SEMA3A: variants seen among roughly 807,000 people sequenced by gnomAD.
The protein encoded by SEMA3A is semaphorin-3A.
SEMA3A carries 29 observed loss-of-function variants against 97.9 expected under a neutral mutation model. That is an observed-to-expected ratio of 0.30 (90% CI 0.22 to 0.40). The LOEUF (loss-of-function observed/expected upper bound fraction) is 0.40, where lower values mean the gene tolerates loss of function less well. Among genes scored for constraint, SEMA3A ranks in the 10% least tolerant of loss-of-function variants. The pLI, the probability that SEMA3A is intolerant of heterozygous loss-of-function variation, is 1.00. For missense variants in SEMA3A, 763 were observed against 951.3 expected (o/e 0.80, Z 2.60); for synonymous variants, 321 against 323.7 (o/e 0.99, Z 0.09).
At chr7:83,997,825 C>T (rs1027893412) in intron 12 of SEMA3A, among the ~76,000 whole-genome samples, 1 of 151,608 alleles carries the variant, frequency 6.6e-6, no homozygotes, top group African/African-American at 2.4e-5. Context: ...CAACCTCCAT[C>T]TCCTGGGTTC....
chr7:84,088,436 A>G (rs756243232), intron 4 of SEMA3A, among the ~76,000 whole-genome samples: 2 of 151,988 alleles, frequency 1.3e-5, no homozygotes, highest in Admixed American at 6.6e-5. Flanking sequence ...CCTGGGCTAC[A>G]CAGGGAGACT....
chr7:84,422,323 C>A (rs1165148921), intron 1 of SEMA3A, among the ~76,000 whole-genome samples: 1 of 151,932 alleles, frequency 6.6e-6, no homozygotes, highest in Non-Finnish European at 1.5e-5. Context: ...TTATAGTATT[C>A]TCGGATGGTA....
intron 3 of SEMA3A, among the ~76,000 whole-genome samples, chr7:84,232,585 T>C (rs1485770485): frequency 1.3e-5 from 2 of 151,864 alleles, no homozygotes; most frequent in African/African-American, 2.4e-5. Flanking sequence ...TGGTTTTAAT[T>C]ATATTTCTTT....
intron 1 of SEMA3A, among the ~76,000 whole-genome samples, chr7:84,193,187 C>T (rs922441002): frequency 2.0e-5 from 3 of 151,942 alleles, no homozygotes; most frequent in Non-Finnish European, 4.4e-5. Context: ...TTTCATTTAA[C>T]GAGCACTAAG....
At chr7:84,315,228 G>A (rs1252896962) in intron 2 of SEMA3A, among the ~76,000 whole-genome samples, 1 of 152,038 alleles carries the variant, frequency 6.6e-6, no homozygotes, top group Non-Finnish European at 1.5e-5. Flanking sequence ...AATAGCAGAC[G>A]ATTAGGCTGG....
At chr7:84,425,907 G>A (rs371995224) in intron 1 of SEMA3A, among the ~76,000 whole-genome samples, 1 of 149,400 alleles carries the variant, frequency 6.7e-6, no homozygotes, top group Non-Finnish European at 1.5e-5. Flanking sequence ...TCTTAAAAAC[G>A]ACAGAATAAT....
chr7:84,183,025 G>T lies in SEMA3A; in HGVS notation c.112+11450C>A, dbSNP rs191372389. Among the ~76,000 whole-genome samples, 438 of 152,234 alleles carry T rather than the reference G, an allele frequency of 2.9e-3. 1 individual carries two copies. The highest frequency in any genetic ancestry group is 4.5e-3 in the Non-Finnish European group (305 of 67,974). On this transcript the variant is annotated intron_variant, in intron 1 of 16. Transcript: ENST00000265362. ...CACACAAGTAAACCACTATGAGGGAGCAAAGCACTGTAATCCAAAACCTAG... is the reference window on the plus strand; with the variant it reads ...CACACAAGTAAACCACTATGAGGGATCAAAGCACTGTAATCCAAAACCTAG...
At chr7:84,229,944 A>G (rs754391480) in intron 3 of SEMA3A, among the ~76,000 whole-genome samples, 5 of 151,980 alleles carry the variant, frequency 3.3e-5, no homozygotes, top group Non-Finnish European at 7.4e-5. Flanking sequence ...CAACCTTCTC[A>G]GACGACAAAT....
At chr7:84,063,080 G>C (rs34392436) in intron 4 of SEMA3A, among the ~76,000 whole-genome samples, 2 of 151,954 alleles carry the variant, frequency 1.3e-5, no homozygotes, top group African/African-American at 2.4e-5. Flanking sequence ...CTGAGAACGG[G>C]CAGACTGCCT....
intron 3 of SEMA3A, among the ~76,000 whole-genome samples, chr7:84,254,475 A>G (rs566826954): frequency 7.9e-5 from 12 of 152,300 alleles, no homozygotes; most frequent in Non-Finnish European, 1.8e-4. Flanking sequence ...CTAAAAGTAT[A>G]CGTGTTTGTA....
intron 1 of SEMA3A, among the ~76,000 whole-genome samples, chr7:84,404,861 A>C (rs559363310): frequency 2.0e-5 from 3 of 152,264 alleles, no homozygotes; most frequent in East Asian, 3.9e-4. Flanking sequence ...TTTTGTCACC[A>C]CCAGGCCTGC....
chr7:84,091,116 A>C (rs1009346776), intron 4 of SEMA3A, among the ~76,000 whole-genome samples: 4 of 102,758 alleles, frequency 3.9e-5, no homozygotes, highest in Non-Finnish European at 9.3e-5. Flanking sequence ...GAAAGAAAGA[A>C]AGAAAAAGAA....
intron 1 of SEMA3A, among the ~76,000 whole-genome samples, chr7:84,478,004 C>G (rs1393619600): frequency 6.6e-6 from 1 of 152,148 alleles, no homozygotes; most frequent in East Asian, 1.9e-4. Flanking sequence ...GCTAAGCAGC[C>G]TGGTGTTGAG....
intron 1 of SEMA3A, among the ~76,000 whole-genome samples, chr7:84,185,109 G>A (rs947554700): frequency 9.9e-5 from 15 of 151,872 alleles, no homozygotes; most frequent in Non-Finnish European, 1.5e-4. Context: ...GAAAAATAAC[G>A]GTATATGACT....
At chr7:84,210,418 T>TA (rs1024591757) in intron 3 of SEMA3A, among the ~76,000 whole-genome samples, 48 of 151,634 alleles carry the variant, frequency 3.2e-4, no homozygotes, top group African/African-American at 9.7e-4. Flanking sequence ...TCAGCCAAAG[T>TA]AAAAAAAGCC....
At chr7:84,062,539 T>A (rs1793271686) in intron 4 of SEMA3A, among the ~76,000 whole-genome samples, 1 of 152,004 alleles carries the variant, frequency 6.6e-6, no homozygotes, top group African/African-American at 2.4e-5. Context: ...TGCGAGACAG[T>A]GGGCATAGGT....
intron 1 of SEMA3A, among the ~76,000 whole-genome samples, chr7:84,447,189 G>C (rs1805436537): frequency 6.6e-6 from 1 of 152,198 alleles, no homozygotes; most frequent in South Asian, 2.1e-4. Context: ...TGGTCTTTGA[G>C]TGCTGACGAG....
At chr7:84,015,596 A>C (rs1490316261) in intron 6 of SEMA3A, among the ~76,000 whole-genome samples, 13 of 152,174 alleles carry the variant, frequency 8.5e-5, no homozygotes. Context: ...CCCTTAGTGT[A>C]TTATTTTATC....
intron 2 of SEMA3A, among the ~76,000 whole-genome samples, chr7:84,351,235 G>A (rs796573983): frequency 2.6e-5 from 4 of 152,106 alleles, no homozygotes; most frequent in African/African-American, 9.6e-5. Flanking sequence ...ACTCCTTCCC[G>A]TCTTTCCCAT....
Sources: allele counts gnomAD v4.1 joint callset (sites outside exome capture counted in the v4.1 genomes callset), GRCh38; gene constraint gnomAD v4.1.1; transcripts MANE v1.5; gene names NCBI Gene and HGNC (gene_info 2026-07-23, HGNC 2026-07-21).